TACC2: variants seen among roughly 807,000 people sequenced by gnomAD.
TACC2 encodes the protein transforming acidic coiled-coil containing protein 2.
In TACC2, 137 loss-of-function variants were observed where a neutral mutation model predicts 227.3. That is an observed-to-expected ratio of 0.60 (90% CI 0.52 to 0.69). TACC2 has a LOEUF of 0.69. TACC2 is among the 30% of genes least tolerant of loss of function. TACC2 has a pLI of 0.00. For missense variants in TACC2, 3,470 were observed against 3,694.4 expected, an observed-to-expected ratio of 0.94 and a Z score of 1.57; for synonymous variants, 1,523 against 1,487.5, an observed-to-expected ratio of 1.02 and a Z score of -0.55.
chr10:122,123,960 C>T (rs544912754), intron 5 of TACC2, among the ~76,000 whole-genome samples: 7 of 151,876 alleles, frequency 4.6e-5, no homozygotes, highest in African/African-American at 9.7e-5. Context: ...ATTACAGGCA[C>T]GCGCCACCAT....
chr10:121,997,465 T>G (rs778993989), intron 1 of TACC2, among the ~76,000 whole-genome samples: 1 of 152,180 alleles, frequency 6.6e-6, no homozygotes, highest in Non-Finnish European at 1.5e-5. Flanking sequence ...AGAGAAAATC[T>G]GATTGTCCCC....
At chr10:122,003,190 G>C (rs1268182058) in intron 1 of TACC2, among the ~76,000 whole-genome samples, 1 of 151,920 alleles carries the variant, frequency 6.6e-6, no homozygotes, top group Non-Finnish European at 1.5e-5. Flanking sequence ...AGACGACAAA[G>C]CAAGACTCTG....
chr10:122,246,710 TC>T (rs1235910085), intron 19 of TACC2: 3 of 152,268 alleles, frequency 2.0e-5, no homozygotes, highest in Non-Finnish European at 2.9e-5. Flanking sequence ...CCCGGCACTA[TC>T]CTAGGCCCTG....
chr10:122,061,681 T>C (rs1222880305), intron 3 of TACC2, among the ~76,000 whole-genome samples: 2 of 152,114 alleles, frequency 1.3e-5, no homozygotes, highest in African/African-American at 4.8e-5. Flanking sequence ...CACTACACAC[T>C]ACAGGTCAAG....
intron 7 of TACC2, among the ~76,000 whole-genome samples, chr10:122,164,276 C>T (rs1487779550): frequency 6.6e-6 from 1 of 152,216 alleles, no homozygotes; most frequent in Non-Finnish European, 1.5e-5. Context: ...CTTTCCTCTG[C>T]ACCCCCGGCA....
intron 7 of TACC2, among the ~76,000 whole-genome samples, chr10:122,165,446 C>T (rs543980486): frequency 1.3e-5 from 2 of 152,270 alleles, no homozygotes; most frequent in South Asian, 2.1e-4. Flanking sequence ...TTCAGCTCGC[C>T]GGTCCCTAAC....
At chr10:122,073,126 A>AAAAAAAAATATAT (rs1383487943) in intron 3 of TACC2, among the ~76,000 whole-genome samples, 1 of 71,004 alleles carries the variant, frequency 1.4e-5, no homozygotes, top group African/African-American at 6.2e-5. Context: ...AAAAAAAAAA[A>AAAAAAAAATATAT]ATATATATAT....
Position 122,211,402 on chromosome 10 carries a change from A to G in TACC2, c.6977A>G (p.Asn2326Ser), listed in dbSNP as rs771337694. Residue 2326 changes from asparagine (N) to serine (S), a missense_variant, in exon 9 of 23, where the codon AAT becomes AGT. Physicochemically the swap from Asn to Ser is conservative, Grantham distance 46. Coordinates refer to ENST00000369005, the MANE Select transcript of TACC2 (RefSeq NM_206862.4). Reference sequence around the variant, plus strand: ...CCTCCCAGATCCCCTGCTGAACCCAATGACATCCCCATTGCTAAAGGTACT... The same window carrying G: ...CCTCCCAGATCCCCTGCTGAACCCAGTGACATCCCCATTGCTAAAGGTACT... ...ASPPRSPAEP[N>S]DIPIAKGTYT... The G allele has an allele frequency of 4.3e-6, 7 of 1,613,996 alleles. No homozygotes were observed. Among genetic ancestry groups the G allele is most frequent in the African/African-American group, 4.0e-5 (3 of 74,902 alleles).
At position 122,141,969 on chromosome 10, in the gene TACC2, T is replaced by C. The variant is rs559502363; in HGVS notation, c.5700-1603T>C. Among the ~76,000 whole-genome samples the C allele has an allele frequency of 1.4e-4, 21 of 152,232 alleles. No homozygotes were observed. The highest frequency in any genetic ancestry group is 2.6e-4 in the Non-Finnish European group (18 of 68,040). ...AGCTCTCTTAAGGAGCTTAAATGCC[T>C]CTGGTAGTTTGCATTATTCATTTTG... On this transcript the variant is annotated intron_variant, in intron 6 of 22. Transcript: ENST00000369005. The surrounding 1 kb of genome is among the most constrained non-coding windows in gnomAD (Gnocchi z 4.3).
intron 7 of TACC2, among the ~76,000 whole-genome samples, chr10:122,165,339 A>C (rs969133657): frequency 2.0e-5 from 3 of 152,122 alleles, no homozygotes; most frequent in African/African-American, 7.2e-5. Flanking sequence ...GCACTGGCCA[A>C]CTCTCACGGC....
At chr10:122,090,756 T>G (rs2080717808) in intron 5 of TACC2, among the ~76,000 whole-genome samples, 1 of 151,966 alleles carries the variant, frequency 6.6e-6, no homozygotes, top group African/African-American at 2.4e-5. Context: ...ATTCATGTAT[T>G]TATTTATTTT....
At chr10:122,173,867 A>G (rs1240889732) in intron 7 of TACC2, among the ~76,000 whole-genome samples, 1 of 152,210 alleles carries the variant, frequency 6.6e-6, no homozygotes, top group Non-Finnish European at 1.5e-5. Context: ...CTCTGGGGGC[A>G]CAGCTCTTAC....
chr10:122,128,112 G>A (rs1337670565), intron 5 of TACC2, among the ~76,000 whole-genome samples: 1 of 152,016 alleles, frequency 6.6e-6, no homozygotes, highest in East Asian at 1.9e-4. Context: ...GAGAGCGAGG[G>A]ACAAGGCTGA....
chr10:122,102,467 C>T (rs1054948934), intron 5 of TACC2, among the ~76,000 whole-genome samples: 1 of 152,216 alleles, frequency 6.6e-6, no homozygotes, highest in Admixed American at 6.5e-5. Flanking sequence ...GCCAAACCCT[C>T]ACACTACTGC....
chr10:122,118,527 A>T (rs752064576), intron 5 of TACC2, among the ~76,000 whole-genome samples: 3 of 152,138 alleles, frequency 2.0e-5, no homozygotes, highest in Admixed American at 6.5e-5. Flanking sequence ...GTTCTTGTTG[A>T]ATCAGTTAAT....
At chr10:122,230,800 T>C (rs1255531720) in intron 16 of TACC2, among the ~76,000 whole-genome samples, 1 of 152,156 alleles carries the variant, frequency 6.6e-6, no homozygotes, top group Non-Finnish European at 1.5e-5. Flanking sequence ...TTGAGGGTTT[T>C]TTTTTTCTAC....
chr10:122,086,527 G>A lies in TACC2; in HGVS notation c.4027G>A (p.Gly1343Arg). Residue 1343 changes from glycine (G) to arginine (R), a missense_variant, in exon 4 of 23, where the codon GGG (glycine) becomes AGG (arginine). Physicochemically the swap from Gly to Arg is moderately radical, Grantham distance 125. Transcript: ENST00000369005. ...PLLAKGKQATGEEKAATAPGA... is the reference protein window; with the variant it reads ...PLLAKGKQATREEKAATAPGA... ...TCTGGCCAAGGGCAAGCAGGCAACAGGGGAAGAGAAAGCAGCAACAGCTCC... is the reference window on the plus strand; with the variant it reads ...TCTGGCCAAGGGCAAGCAGGCAACAAGGGAAGAGAAAGCAGCAACAGCTCC... 6.2e-7 allele frequency: 1 copy of A among 1,611,270 alleles called. No individual in the cohort carries two copies.
intron 3 of TACC2, chr10:122,052,072 T>C (rs76042909): frequency 0.017 from 2,597 of 152,298 alleles, 30 homozygotes; most frequent in African/African-American, 0.028. Flanking sequence ...TTTCCATGAA[T>C]TTTTCATCAG....
In TACC2 at chr10:121,999,076, T is replaced by G. The variant is rs535297245; in HGVS notation, c.-46+9588T>G. ...CAGGCTGGAGTGCAGTGGCATGATC[T>G]CGGCTCACTGCAAGCTCCGCCTCCC... On this transcript the variant is annotated intron_variant, in intron 1 of 22. Transcript: ENST00000369005. 7.1e-4 allele frequency among the ~76,000 whole-genome samples: 108 copies of G among 151,704 alleles called. 1 individual carries two copies. Among genetic ancestry groups the G allele is most frequent in the Non-Finnish European group, 1.0e-3 (68 of 67,896 alleles).
Sources: gnomAD v4.1 joint callset for allele counts (sites outside exome capture counted in the v4.1 genomes callset) on GRCh38, gnomAD v4.1.1 for gene constraint, Gnocchi (gnomAD v3.1) non-coding constraint, MANE v1.5 for transcripts, NCBI Gene and HGNC (gene_info 2026-07-23, HGNC 2026-07-21) for gene names.